SHE: variants seen among roughly 807,000 people sequenced by gnomAD.
SHE encodes Src homology 2 domain containing E.
A neutral mutation model predicts 49.8 loss-of-function variants in SHE; 11 were observed. The ratio of observed to expected loss-of-function variants is 0.22; its 90% CI spans 0.14 to 0.37. SHE has a LOEUF of 0.37. Among genes scored for constraint, SHE ranks in the 10% least tolerant of loss-of-function variants. The pLI, the probability that SHE is intolerant of heterozygous loss-of-function variation, is 1.00. For missense variants in SHE, 624 were observed against 655.5 expected (o/e 0.95, Z 0.52); for synonymous variants, 310 against 278.1 (o/e 1.11, Z -1.14).
chr1:154,471,679 TACTC>T (rs779943908), intron 1 of SHE, among the ~76,000 whole-genome samples: 9 of 41,468 alleles, frequency 2.2e-4, no homozygotes, highest in Non-Finnish European at 3.9e-4. Context: ...AGTTTTTCAG[TACTC>T]TCTCTCTCTC....
At chr1:154,478,595 G>A (rs965997517), downstream of SHE, among the ~76,000 whole-genome samples, 2 of 152,154 alleles carry the variant, frequency 1.3e-5, no homozygotes, top group African/African-American at 2.4e-5. Context: ...GATTAAATGA[G>A]ATGCTGTATG....
At chr1:154,487,886 A>G (rs1399900270) in intron 3 of SHE, among the ~76,000 whole-genome samples, 2 of 151,068 alleles carry the variant, frequency 1.3e-5, no homozygotes, top group African/African-American at 4.9e-5. Context: ...AACTGACTCA[A>G]ATGCTTGCCA....
downstream of SHE, among the ~76,000 whole-genome samples, chr1:154,478,649 G>T (rs556382119): frequency 5.3e-5 from 8 of 152,306 alleles, no homozygotes; most frequent in African/African-American, 1.9e-4. Context: ...CGGAAAAAGA[G>T]TCTATTCTCA....
chr1:154,471,161 C>T (rs1172366281), intron 1 of SHE, among the ~76,000 whole-genome samples: 3 of 152,146 alleles, frequency 2.0e-5, no homozygotes, highest in Non-Finnish European at 2.9e-5. Flanking sequence ...CACCATCTTT[C>T]AAACACTACC....
chr1:154,481,756 A>G lies in SHE; in HGVS notation c.*2393T>C. The G allele has an allele frequency of 1.0e-6, 1 of 964,158 alleles. No homozygotes were observed. Among genetic ancestry groups the G allele is most frequent in the South Asian group, 4.8e-5 (1 of 20,810 alleles). The allele number at this position is 964,158 out of a possible 1,614,324, so 59.7% of individuals were successfully genotyped here. ...TATTTGTTGAATGGATGCTGAAAAA[A>G]CCTTTTAAAATCTTACACTAAAGAT... On this transcript the variant is annotated 3_prime_UTR_variant, in exon 6 of 6. Transcript: ENST00000304760.
At chr1:154,485,840 A>G in intron 5 of SHE, 103 bp downstream of exon 5, 1 of 1,417,654 alleles carries the variant, frequency 7.1e-7, no homozygotes. Flanking sequence ...TCTGCAATGC[A>G]CACCCCTGTG....
intron 1 of SHE, chr1:154,470,468 G>T: frequency 9.4e-7 from 1 of 1,066,780 alleles, no homozygotes; most frequent in Non-Finnish European, 1.3e-6. Context: ...GAATATCTGT[G>T]AGAATTACAG....
At chr1:154,488,450 GGTTTT>G (rs1426053574) in intron 3 of SHE, among the ~76,000 whole-genome samples, 1 of 151,776 alleles carries the variant, frequency 6.6e-6, no homozygotes, top group East Asian at 1.9e-4. Context: ...GTAGAGACAG[GGTTTT>G]ACCATGTTGG....
chr1:154,475,870 G>C (rs748801261), downstream of SHE, among the ~76,000 whole-genome samples: 1 of 151,910 alleles, frequency 6.6e-6, no homozygotes, highest in Admixed American at 6.5e-5. Context: ...CCACCTCCCG[G>C]TTGGAGGTGG....
chr1:154,477,262 C>T (rs1382637332), downstream of SHE, among the ~76,000 whole-genome samples: 3 of 152,190 alleles, frequency 2.0e-5, no homozygotes, highest in East Asian at 3.9e-4. Flanking sequence ...ACACAGGTGA[C>T]CTGAATGTCC....
chr1:154,480,400 AAG>A lies in SHE; in HGVS notation c.*3747_*3748del. On this transcript the variant is annotated 3_prime_UTR_variant, in exon 6 of 6. Transcript: ENST00000304760. Reference sequence around the variant, plus strand: ...ACTAACCCCACTTAACCCGCAACTGAAGAATGCCTCACAGTTATTCTTCTGAA... The same window carrying A: ...ACTAACCCCACTTAACCCGCAACTGAAATGCCTCACAGTTATTCTTCTGAA... The A allele has an allele frequency of 3.0e-6, 3 of 985,460 alleles. No homozygotes were observed. Among genetic ancestry groups the A allele is most frequent in the Non-Finnish European group, 3.6e-6 (3 of 829,944 alleles). 61.0% of individuals were successfully genotyped at this position (985,460 alleles called of 1,614,324 possible). A position where few individuals can be genotyped will look rare whatever the true frequency, so the allele number is the denominator to read the frequency against.
downstream of SHE, among the ~76,000 whole-genome samples, chr1:154,475,620 T>A (rs1325759465): frequency 6.6e-6 from 1 of 152,236 alleles, no homozygotes; most frequent in Non-Finnish European, 1.5e-5. Context: ...TAAACAATTA[T>A]AACCCTTCTA....
intron 2 of SHE, among the ~76,000 whole-genome samples, chr1:154,498,114 C>T (rs889636395): frequency 5.9e-5 from 9 of 152,000 alleles, no homozygotes; most frequent in African/African-American, 1.2e-4. Context: ...TTTTTTGAGA[C>T]GGAGTTCCAC....
Position 154,483,949 on chromosome 1 carries a change from G to C in SHE, c.*200C>G. ...GGAGTCAGATGTTGCAGTGAGCCAA[G>C]ATTGCGCCATTGCACTCCAGCCTGG... is the stretch of plus-strand genomic sequence containing the variant. On this transcript the variant is annotated 3_prime_UTR_variant, in exon 6 of 6. Coordinates refer to ENST00000304760, the MANE Select transcript of SHE (RefSeq NM_001010846.3). 3.7e-6 allele frequency: 5 copies of C among 1,369,028 alleles called. No individual in the cohort carries two copies. Among genetic ancestry groups the C allele is most frequent in the Non-Finnish European group, 4.7e-6 (5 of 1,058,320 alleles). The allele number at this position is 1,369,028 out of a possible 1,614,324, so 84.8% of individuals were successfully genotyped here.
intron 3 of SHE, among the ~76,000 whole-genome samples, chr1:154,487,627 G>C (rs997730529): frequency 4.0e-5 from 6 of 151,870 alleles, no homozygotes; most frequent in African/African-American, 1.2e-4. Context: ...TGAGGTGAGA[G>C]GATCTCTTGA....
chr1:154,501,848 C>G lies in SHE; in HGVS notation c.179G>C (p.Gly60Ala). ...GTTCTTGCGCAATTTGCCGCCGCCG[C>G]CCCCGGGCTTGGCCCGCTCCGACAC... Reference protein sequence around the residue: ...KTVSERAKPGGGGGKLRKNSE... With the variant: ...KTVSERAKPGAGGGKLRKNSE... Residue 60 changes from glycine to alanine, a missense_variant, in exon 1 of 6, where the codon GGC becomes GCC. Gly to Ala is a moderately conservative substitution (Grantham distance 60). Coordinates refer to ENST00000304760, the MANE Select transcript of SHE (RefSeq NM_001010846.3). 6.5e-7 allele frequency: 1 copy of G among 1,540,094 alleles called. No individual in the cohort carries two copies. Among genetic ancestry groups the G allele is most frequent in the Non-Finnish European group, 8.7e-7 (1 of 1,149,898 alleles).
chr1:154,473,243 G>A (rs1167316282), intron 1 of SHE, among the ~76,000 whole-genome samples: 9 of 151,898 alleles, frequency 5.9e-5, no homozygotes, highest in African/African-American at 9.7e-5. Flanking sequence ...TAGGTGATCC[G>A]CCTGTCTCAG....
chr1:154,481,653 A>C lies in SHE; in HGVS notation c.*2496T>G. 1 of 981,064 alleles carries C rather than the reference A, an allele frequency of 1.0e-6. No homozygotes were observed. Among genetic ancestry groups the C allele is most frequent in the African/African-American group, 1.7e-5 (1 of 57,238 alleles). The allele number at this position is 981,064 out of a possible 1,614,324, so 60.8% of individuals were successfully genotyped here. A position where few individuals can be genotyped will look rare whatever the true frequency, so the allele number is the denominator to read the frequency against. Reference sequence around the variant, plus strand: ...GTATTCCCTTTGTAGAATAAGGTTAAGTAAAAACGTTTCATTTCTAGAATG... The same window carrying C: ...GTATTCCCTTTGTAGAATAAGGTTACGTAAAAACGTTTCATTTCTAGAATG... On this transcript the variant is annotated 3_prime_UTR_variant, in exon 6 of 6. Coordinates refer to ENST00000304760, the MANE Select transcript of SHE (RefSeq NM_001010846.3).
intron 5 of SHE, 58 bp from the exon 6 acceptor site, chr1:154,484,393 G>C: frequency 6.9e-7 from 1 of 1,447,524 alleles, no homozygotes; most frequent in Non-Finnish European, 9.6e-7. Context: ...CCTCCCCACT[G>C]AAAACAATTG....
Sources: gnomAD v4.1 joint callset for allele counts (sites outside exome capture counted in the v4.1 genomes callset) on GRCh38, gnomAD v4.1.1 for gene constraint, MANE v1.5 for transcripts, NCBI Gene and HGNC (gene_info 2026-07-23, HGNC 2026-07-21) for gene names.